The following CCDC30 variants were observed in gnomAD, a reference collection of about 807,000 sequenced individuals.
CCDC30 encodes the protein coiled-coil domain containing 30.
In CCDC30, 70 loss-of-function variants were observed where a neutral mutation model predicts 100.2. The ratio of observed to expected loss-of-function variants is 0.70; its 90% confidence interval spans 0.58 to 0.85. CCDC30 has a LOEUF of 0.85. Ranked by LOEUF, CCDC30 falls within the 40% of genes least tolerant of loss-of-function variation. The probability of loss-of-function intolerance (pLI) is 0.00; values close to 1 mark genes in which losing one functional copy is unlikely to be tolerated. For missense variants in CCDC30, 652 were observed against 771.2 expected, an observed-to-expected ratio of 0.85 and a Z score of 1.83; for synonymous variants, 233 against 269.5, an observed-to-expected ratio of 0.86 and a Z score of 1.33.
intron 6 of CCDC30, among the ~76,000 whole-genome samples, chr1:42,561,291 G>C (rs1314664033): frequency 1.3e-5 from 2 of 152,166 alleles, no homozygotes; most frequent in Non-Finnish European, 2.9e-5. Context: ...GGGATGCAAG[G>C]CTGGTTCAAC....
At chr1:42,615,228 C>T (rs1646702684) in intron 11 of CCDC30, among the ~76,000 whole-genome samples, 1 of 152,134 alleles carries the variant, frequency 6.6e-6, no homozygotes, top group Non-Finnish European at 1.5e-5. Flanking sequence ...GATGCTGTTC[C>T]TCTCTGGGGG....
intron 10 of CCDC30, chr1:42,593,095 T>A (rs1334532546): frequency 6.6e-6 from 1 of 152,196 alleles, no homozygotes; most frequent in African/African-American, 2.4e-5. Flanking sequence ...TCTGACACTA[T>A]CTACCTGAAG....
chr1:42,467,761 T>C (rs1040061128), intron 1 of CCDC30: 5 of 152,232 alleles, frequency 3.3e-5, no homozygotes. Context: ...CATGTACAAC[T>C]GACTGAATGG....
chr1:42,648,066 G>A (rs1648031663), intron 15 of CCDC30, among the ~76,000 whole-genome samples: 1 of 152,014 alleles, frequency 6.6e-6, no homozygotes, highest in Admixed American at 6.6e-5. Flanking sequence ...TCAGCCTCCT[G>A]AGTAGCTGGG....
At chr1:42,538,593 G>T (rs1377837552) in intron 6 of CCDC30, among the ~76,000 whole-genome samples, 1 of 152,046 alleles carries the variant, frequency 6.6e-6, no homozygotes, top group Non-Finnish European at 1.5e-5. Context: ...GCAACATAGC[G>T]AGACCGCATC....
At chr1:42,576,755 A>G (rs1024993811) in intron 7 of CCDC30, among the ~76,000 whole-genome samples, 17 of 152,190 alleles carry the variant, frequency 1.1e-4, no homozygotes, top group African/African-American at 3.9e-4. Context: ...AGTAGTGGGG[A>G]TGAAAGCCAG....
chr1:42,574,976 A>G (rs1205651519), intron 7 of CCDC30, among the ~76,000 whole-genome samples: 1 of 152,214 alleles, frequency 6.6e-6, no homozygotes, highest in Non-Finnish European at 1.5e-5. Context: ...CCTCACAACT[A>G]TCCTATGAGG....
intron 11 of CCDC30, among the ~76,000 whole-genome samples, chr1:42,631,792 C>T (rs1327117933): frequency 6.6e-6 from 1 of 152,186 alleles, no homozygotes; most frequent in Non-Finnish European, 1.5e-5. Context: ...TGCCAGACTA[C>T]CGCCAATGTT....
At chr1:42,520,269 TGTA>T (rs1644617327) in intron 6 of CCDC30, among the ~76,000 whole-genome samples, 1 of 93,704 alleles carries the variant, frequency 1.1e-5, no homozygotes, top group Admixed American at 1.2e-4. Flanking sequence ...TTGCTTTTTC[TGTA>T]TCTGTAAGTT....
At chr1:42,615,131 G>T (rs929432841) in intron 11 of CCDC30, among the ~76,000 whole-genome samples, 1 of 152,040 alleles carries the variant, frequency 6.6e-6, no homozygotes, top group Non-Finnish European at 1.5e-5. Context: ...ATTTTGGATT[G>T]GGCCAAAATG....
At chr1:42,572,115 T>G (rs1645745426) in intron 7 of CCDC30, among the ~76,000 whole-genome samples, 2 of 152,228 alleles carry the variant, frequency 1.3e-5, no homozygotes, top group Admixed American at 1.3e-4. Context: ...CAACTCCTTC[T>G]AAAGTCTTCC....
At chr1:42,537,561 T>A in intron 6 of CCDC30, 6 of 329,386 alleles carry the variant, frequency 1.8e-5, no homozygotes, top group South Asian at 1.5e-4. Flanking sequence ...TCTCCTGAAG[T>A]AAATTTTATG....
At chr1:42,511,310 G>T (rs1237165593) in intron 6 of CCDC30, among the ~76,000 whole-genome samples, 3 of 152,140 alleles carry the variant, frequency 2.0e-5, no homozygotes, top group Admixed American at 2.0e-4. Context: ...TATGTGATCT[G>T]CATCCTCCCT....
At chr1:42,491,793 A>G in intron 4 of CCDC30, 1 of 320,140 alleles carries the variant, frequency 3.1e-6, no homozygotes, top group Non-Finnish European at 6.1e-6. Flanking sequence ...GGGAGCCGAA[A>G]ATAGAGTGGT....
intron 6 of CCDC30, chr1:42,556,387 A>G (rs375390033): frequency 6.2e-7 from 1 of 1,611,552 alleles, no homozygotes; most frequent in Non-Finnish European, 8.5e-7. Flanking sequence ...GGGATAGTTC[A>G]GATGACAGTG....
intron 6 of CCDC30, among the ~76,000 whole-genome samples, chr1:42,542,344 A>G (rs1286700925): frequency 2.6e-5 from 4 of 152,050 alleles, no homozygotes; most frequent in Non-Finnish European, 5.9e-5. Flanking sequence ...AGTTTGCTAT[A>G]ACGTCAAATC....
chr1:42,650,270 C>T (rs1042946870), intron 15 of CCDC30, among the ~76,000 whole-genome samples: 2 of 151,940 alleles, frequency 1.3e-5, no homozygotes, highest in African/African-American at 4.8e-5. Flanking sequence ...ATTGCTTGGG[C>T]CCAGGAGTTT....
At chr1:42,641,349 A>G (rs542869296) in intron 12 of CCDC30, among the ~76,000 whole-genome samples, 4 of 151,856 alleles carry the variant, frequency 2.6e-5, no homozygotes, top group Non-Finnish European at 5.9e-5. Context: ...GAGTGCTGAG[A>G]TTACAGGTGT....
chr1:42,555,780 G>A (rs145537536), intron 6 of CCDC30, among the ~76,000 whole-genome samples: 1 of 152,216 alleles, frequency 6.6e-6, no homozygotes, highest in East Asian at 1.9e-4. Flanking sequence ...TCCACCTCCT[G>A]GGCTTAAGTG....
Sources: gnomAD v4.1 joint callset for allele counts (sites outside exome capture counted in the v4.1 genomes callset) on GRCh38, gnomAD v4.1.1 for gene constraint, MANE v1.5 for transcripts, NCBI Gene and HGNC (gene_info 2026-07-23, HGNC 2026-07-21) for gene names.